The following IL1RAPL2 variants were observed in gnomAD, a reference collection of about 807,000 sequenced individuals.
IL1RAPL2 encodes X-linked interleukin-1 receptor accessory protein-like 2.
In IL1RAPL2, 3 loss-of-function variants were observed where a neutral mutation model predicts 44.1. The observed-to-expected ratio is 0.07, with a 90% confidence interval of 0.03 to 0.18. The LOEUF is 0.18. Ranked by LOEUF, IL1RAPL2 falls within the 10% of genes least tolerant of loss-of-function variation. The pLI, the probability that IL1RAPL2 is intolerant of heterozygous loss-of-function variation, is 1.00. For synonymous variants in IL1RAPL2, 181 were observed against 178.8 expected, an observed-to-expected ratio of 1.01 and a Z score of -0.10; for missense variants, 391 against 496.4, an observed-to-expected ratio of 0.79 and a Z score of 2.02.
At chrX:104,905,117 G>C (rs1455231453) in intron 2 of IL1RAPL2, among the ~76,000 whole-genome samples, 3 of 111,609 alleles carry the variant, frequency 2.7e-5, no homozygotes, top group Non-Finnish European at 5.7e-5. Context: ...AGAAGTGTCT[G>C]TTCATGTCCT....
chrX:105,244,058 A>C (rs1449959352), intron 4 of IL1RAPL2, among the ~76,000 whole-genome samples: 1 of 111,537 alleles, frequency 9.0e-6, no homozygotes, highest in Non-Finnish European at 1.9e-5. Context: ...GGGAGCCCTC[A>C]ATCAAATGCA....
At chrX:104,584,231 A>T (rs1410359550) in intron 1 of IL1RAPL2, among the ~76,000 whole-genome samples, 1 of 111,622 alleles carries the variant, frequency 9.0e-6, no homozygotes, top group African/African-American at 3.3e-5. Flanking sequence ...ATAGGAGAAG[A>T]AGTTTAGGAC....
chrX:104,839,457 C>G (rs1018527693), intron 2 of IL1RAPL2, among the ~76,000 whole-genome samples: 12 of 111,696 alleles, frequency 1.1e-4, no homozygotes, highest in Non-Finnish European at 1.9e-5. Context: ...GGTGGATAAG[C>G]TTTTTGATAT....
chrX:105,096,261 A>G (rs2032602573), intron 2 of IL1RAPL2, among the ~76,000 whole-genome samples: 1 of 112,116 alleles, frequency 8.9e-6, no homozygotes, highest in Non-Finnish European at 1.9e-5. Context: ...CCCATTGCAG[A>G]AAACAGTCTG....
At position 105,497,374 on chromosome X, in the gene IL1RAPL2, A is replaced by G. The variant is rs1430571078; in HGVS notation, c.772+12987A>G. 1.1e-4 allele frequency among the ~76,000 whole-genome samples: 12 copies of G among 111,540 alleles called. No homozygotes were observed. In the Admixed American group the frequency reaches 1.1e-3, roughly 11 times the overall value. Reference sequence around the variant, plus strand: ...AACTTGAACAGACAAATAATGAGTAAGGATATTGAATCAGTAATAAAACCC... The same window carrying G: ...AACTTGAACAGACAAATAATGAGTAGGGATATTGAATCAGTAATAAAACCC... On this transcript the variant is annotated intron_variant, in intron 6 of 10. Transcript: ENST00000372582.
intron 2 of IL1RAPL2, among the ~76,000 whole-genome samples, chrX:104,957,966 C>A (rs763105422): frequency 9.0e-6 from 1 of 111,164 alleles, no homozygotes; most frequent in Non-Finnish European, 1.9e-5. Context: ...CTGGTGCATG[C>A]CTGTAGTCTC....
intron 2 of IL1RAPL2, among the ~76,000 whole-genome samples, chrX:104,898,899 T>A (rs779882313): frequency 2.2e-4 from 25 of 112,718 alleles, no homozygotes; most frequent in Non-Finnish European, 4.1e-4. Context: ...AATTCCTTTT[T>A]TGTTGAGTTG....
chrX:105,622,124 T>C (rs1354486438), intron 6 of IL1RAPL2, among the ~76,000 whole-genome samples: 1 of 110,170 alleles, frequency 9.1e-6, no homozygotes, highest in South Asian at 3.8e-4. Flanking sequence ...GTCACCTGCC[T>C]TTTTAATCAT....
At position 104,953,810 on chromosome X, in the gene IL1RAPL2, G is replaced by A. The variant is rs376978834; in HGVS notation, c.83-241665G>A. Among the ~76,000 whole-genome samples the A allele has an allele frequency of 1.9e-4, 21 of 111,693 alleles. No homozygotes were observed. In the South Asian group the frequency reaches 4.5e-3, roughly 24 times the overall value. On this transcript the variant is annotated intron_variant, in intron 2 of 10. Coordinates refer to ENST00000372582, the MANE Select transcript of IL1RAPL2 (RefSeq NM_017416.2). ...TTAGTCACCCTAATCAACAAGCCTG[G>A]CAACTTGGACACTGGCACATCTAAT...
intron 4 of IL1RAPL2, among the ~76,000 whole-genome samples, chrX:105,256,085 T>C (rs2034312105): frequency 9.0e-6 from 1 of 111,727 alleles, no homozygotes; most frequent in African/African-American, 3.3e-5. Flanking sequence ...TGCATTGAAG[T>C]ACATCAAGGA....
intron 5 of IL1RAPL2, among the ~76,000 whole-genome samples, chrX:105,393,808 A>G (rs947838896): frequency 1.8e-5 from 2 of 111,591 alleles, no homozygotes; most frequent in Non-Finnish European, 3.8e-5. Context: ...AATACATATT[A>G]CTATGCTAGG....
intron 2 of IL1RAPL2, among the ~76,000 whole-genome samples, chrX:105,052,978 G>A (rs1009779493): frequency 6.3e-5 from 7 of 110,670 alleles, no homozygotes; most frequent in African/African-American, 2.0e-4. Context: ...CTGCTGTTTG[G>A]TTTTCTGTTC....
intron 6 of IL1RAPL2, among the ~76,000 whole-genome samples, chrX:105,563,049 T>G (rs2036950675): frequency 9.0e-6 from 1 of 111,394 alleles, no homozygotes; most frequent in South Asian, 3.8e-4. Context: ...TAAAAGACAG[T>G]AAGGGTGATG....
intron 2 of IL1RAPL2, among the ~76,000 whole-genome samples, chrX:105,037,332 G>A (rs1443719220): frequency 2.7e-5 from 3 of 111,118 alleles, no homozygotes; most frequent in Non-Finnish European, 3.8e-5. Context: ...GTATTGTTGG[G>A]GGAAAATGGG....
At chrX:105,382,339 C>T (rs1419471645) in intron 5 of IL1RAPL2, among the ~76,000 whole-genome samples, 9 of 108,245 alleles carry the variant, frequency 8.3e-5, no homozygotes, top group African/African-American at 1.8e-4. Flanking sequence ...CAAAAGAAGA[C>T]ATTTATGCAG....
intron 6 of IL1RAPL2, among the ~76,000 whole-genome samples, chrX:105,666,685 G>A (rs1049278025): frequency 8.9e-6 from 1 of 111,935 alleles, no homozygotes; most frequent in Non-Finnish European, 1.9e-5. Flanking sequence ...GAAATTCTCA[G>A]AAGGCAGTAT....
intron 2 of IL1RAPL2, among the ~76,000 whole-genome samples, chrX:104,884,594 C>A: frequency 9.0e-6 from 1 of 111,414 alleles, no homozygotes; most frequent in Middle Eastern, 4.6e-3. Flanking sequence ...TTTTTCTGCA[C>A]TATGGCCTGG....
At position 105,138,869 on chromosome X, in the gene IL1RAPL2, G is replaced by C. The variant is rs749758653; in HGVS notation, c.83-56606G>C. The stretch of plus-strand genomic sequence containing the variant: ...CTAGAGTTCTGGCTCCATCATGCTA[G>C]TGGCCTATATGGTGGAAGCCTGTGA... On this transcript the variant is annotated intron_variant, in intron 2 of 10. Transcript: ENST00000372582. Among the ~76,000 whole-genome samples, 9 of 111,124 alleles carry C rather than the reference G, an allele frequency of 8.1e-5. No individual in the cohort carries two copies. In the South Asian group the frequency reaches 3.5e-3, roughly 43 times the overall value.
At chrX:104,855,700 C>CTTTTTTTTTTTTTTTT (rs1922346311) in intron 2 of IL1RAPL2, among the ~76,000 whole-genome samples, 1 of 39,331 alleles carries the variant, frequency 2.5e-5, no homozygotes, top group African/African-American at 8.6e-5. Flanking sequence ...TTTTTTTTTA[C>CTTTTTTTTTTTTTTTT]TGTATCTCTC....
Sources: gnomAD v4.1 joint callset for allele counts (sites outside exome capture counted in the v4.1 genomes callset) on GRCh38, gnomAD v4.1.1 for gene constraint, MANE v1.5 for transcripts, NCBI Gene and HGNC (gene_info 2026-07-23, HGNC 2026-07-21) for gene names.